ANO4: variants seen among roughly 807,000 people sequenced by gnomAD.
The protein encoded by ANO4 is anoctamin-4.
In ANO4, 69 loss-of-function variants were observed where a neutral mutation model predicts 141.9. That is an observed-to-expected ratio of 0.49 (90% CI 0.40 to 0.59). The LOEUF (loss-of-function observed/expected upper bound fraction) is 0.59, where lower values mean the gene tolerates loss of function less well. ANO4 is among the 20% of genes least tolerant of loss of function. ANO4 has a pLI of 0.00. For synonymous variants in ANO4, 350 were observed against 394.3 expected, an observed-to-expected ratio of 0.89 and a Z score of 1.33; for missense variants, 894 against 1,162.2, an observed-to-expected ratio of 0.77 and a Z score of 3.36.
intron 1 of ANO4, among the ~76,000 whole-genome samples, chr12:100,848,179 G>A (rs1289073574): frequency 2.6e-5 from 4 of 152,028 alleles, no homozygotes; most frequent in Admixed American, 2.0e-4. Context: ...CCCCTTCAGA[G>A]TACTAGCCTT....
chr12:100,892,780 G>GAAT (rs2040167707), intron 1 of ANO4, among the ~76,000 whole-genome samples: 1 of 150,572 alleles, frequency 6.6e-6, no homozygotes, highest in Non-Finnish European at 1.5e-5. Flanking sequence ...TGTTTTAATT[G>GAAT]TAGTTTTTTT....
intron 9 of ANO4, among the ~76,000 whole-genome samples, chr12:101,032,019 A>G (rs909386781): frequency 2.6e-5 from 4 of 152,276 alleles, no homozygotes; most frequent in African/African-American, 9.6e-5. Flanking sequence ...AAAGTAATTT[A>G]TAGATTCAAT....
chr12:100,721,838 C>T (rs2030880309), intron 1 of ANO4, among the ~76,000 whole-genome samples: 2 of 151,490 alleles, frequency 1.3e-5, no homozygotes, highest in East Asian at 3.9e-4. Flanking sequence ...GTCACCATGC[C>T]AGGCTAACTT....
At chr12:100,963,506 C>CTG (rs144114076) in intron 5 of ANO4, among the ~76,000 whole-genome samples, 24 of 150,598 alleles carry the variant, frequency 1.6e-4, no homozygotes, top group South Asian at 4.2e-4. Context: ...GTGTGTGTGT[C>CTG]TGTGTGTGTG....
At position 100,896,283 on chromosome 12, in the gene ANO4, G is replaced by A. The variant is rs149811173; in HGVS notation, c.-140-5363G>A. Among the ~76,000 whole-genome samples, 96 of 152,234 alleles carry A rather than the reference G, an allele frequency of 6.3e-4. 1 individual carries two copies. The highest frequency in any genetic ancestry group is 2.2e-3 in the African/African-American group (90 of 41,514). On this transcript the variant is annotated intron_variant, in intron 1 of 27. Coordinates refer to ENST00000392977, the MANE Select transcript of ANO4 (RefSeq NM_001286615.2). ...GTGATCCCTAAATGTCACAACCAGC[G>A]TCCTTATAAGAGAGAGGCAGAGGGA...
intron 3 of ANO4, among the ~76,000 whole-genome samples, chr12:100,779,213 T>A (rs866535806): frequency 6.6e-6 from 1 of 152,246 alleles, no homozygotes; most frequent in Admixed American, 6.5e-5. Flanking sequence ...AACACAGGAC[T>A]ATGCCTCTCT....
intron 8 of ANO4, among the ~76,000 whole-genome samples, chr12:101,016,581 T>G (rs538753979): frequency 2.0e-5 from 3 of 152,186 alleles, no homozygotes; most frequent in Non-Finnish European, 4.4e-5. Context: ...CTAGTGTTCT[T>G]CAGATGGTCA....
chr12:100,924,268 T>G lies in ANO4; in HGVS notation c.160+1938T>G, dbSNP rs114572765. The stretch of plus-strand genomic sequence containing the variant: ...ACTTTCTTATGAATAATTTTATGCT[T>G]TTTAGTTATCCCCATTTATCATTAT... On this transcript the variant is annotated intron_variant, in intron 3 of 27. Coordinates refer to ENST00000392977, the MANE Select transcript of ANO4 (RefSeq NM_001286615.2). 3.2e-3 allele frequency among the ~76,000 whole-genome samples: 491 copies of G among 152,240 alleles called. 6 individuals carry two copies. The highest frequency in any genetic ancestry group is 0.012 in the African/African-American group (479 of 41,564).
chr12:100,971,362 C>G lies in ANO4; in HGVS notation c.513C>G (p.Val171=). 6.2e-7 allele frequency: 1 copy of G among 1,611,176 alleles called. No individual in the cohort carries two copies. Among genetic ancestry groups the G allele is most frequent in the Non-Finnish European group, 8.5e-7 (1 of 1,177,954 alleles). Residue 171 remains valine, a synonymous_variant, in exon 6 of 28, where the codon GTC becomes GTG. Coordinates refer to ENST00000392977, the MANE Select transcript of ANO4 (RefSeq NM_001286615.2). ...TGAAGTTGCATGCCCCATGGGAAGTCCTTGGAAGATATGCAGAACAAATGA... is the reference window on the plus strand; with the variant it reads ...TGAAGTTGCATGCCCCATGGGAAGTGCTTGGAAGATATGCAGAACAAATGA... ...IFVKLHAPWE[V]LGRYAEQMNV...
intron 8 of ANO4, among the ~76,000 whole-genome samples, chr12:101,005,977 C>G (rs2045855384): frequency 6.6e-6 from 1 of 152,108 alleles, no homozygotes; most frequent in Admixed American, 6.6e-5. Context: ...CTCCATTTCT[C>G]TTGGTTGTGT....
At chr12:100,927,103 C>T (rs1348904314) in intron 3 of ANO4, among the ~76,000 whole-genome samples, 1 of 152,132 alleles carries the variant, frequency 6.6e-6, no homozygotes. Context: ...TCACTGGAGA[C>T]TTGAAAGGTG....
At chr12:101,116,092 G>T (rs992065479) in intron 24 of ANO4, among the ~76,000 whole-genome samples, 8 of 152,188 alleles carry the variant, frequency 5.3e-5, no homozygotes, top group South Asian at 2.1e-4. Context: ...TGTCTTCCTA[G>T]TAGGAGTGGT....
chr12:101,015,807 T>G (rs1486840961), intron 8 of ANO4, among the ~76,000 whole-genome samples: 1 of 152,102 alleles, frequency 6.6e-6, no homozygotes, highest in African/African-American at 2.4e-5. Context: ...CCAAGCCTCA[T>G]GTTTGCCAGA....
exon 3 of ANO4, chr12:100,739,928 C>T: frequency 1.4e-6 from 1 of 702,588 alleles, no homozygotes; most frequent in Non-Finnish European, 2.6e-6. Flanking sequence ...CAGACCAACC[C>T]TCCCATCAGA....
Position 100,794,948 on chromosome 12 carries a change from A to C in ANO4, c.-220A>C, listed in dbSNP as rs1278425126. The C allele has an allele frequency of 6.6e-6, 1 of 152,650 alleles. No homozygotes were observed. Among genetic ancestry groups the C allele is most frequent in the Non-Finnish European group, 1.5e-5 (1 of 68,088 alleles). The allele number at this position is 152,650 out of a possible 1,614,324, so 9.5% of individuals were successfully genotyped here. ...TCCCGACTGGAGCCTGGAGGTTCACAGTGGATTTCTTTCTGCCGAAGACAC... is the reference window on the plus strand; with the variant it reads ...TCCCGACTGGAGCCTGGAGGTTCACCGTGGATTTCTTTCTGCCGAAGACAC... On this transcript the variant is annotated 5_prime_UTR_variant, in exon 1 of 28. Transcript: ENST00000392977.
chr12:100,917,660 C>G (rs1366666530), intron 2 of ANO4, among the ~76,000 whole-genome samples: 2 of 152,134 alleles, frequency 1.3e-5, no homozygotes, highest in Non-Finnish European at 2.9e-5. Context: ...TTTTACAGCT[C>G]CCTCTCCTTT....
chr12:100,958,376 T>C (rs2043265063), intron 5 of ANO4, among the ~76,000 whole-genome samples: 1 of 152,194 alleles, frequency 6.6e-6, no homozygotes, highest in Admixed American at 6.6e-5. Flanking sequence ...TTTCATTGAT[T>C]CAATTTTAAA....
At chr12:101,031,578 C>CAAGAGAAAGTT (rs2046977753) in intron 9 of ANO4, among the ~76,000 whole-genome samples, 1 of 152,106 alleles carries the variant, frequency 6.6e-6, no homozygotes, top group African/African-American at 2.4e-5. Flanking sequence ...GAAGTTCTGG[C>CAAGAGAAAGTT]CAGGACAATC....
chr12:101,014,631 T>C (rs941748590), intron 8 of ANO4, among the ~76,000 whole-genome samples: 1 of 152,186 alleles, frequency 6.6e-6, no homozygotes, highest in Admixed American at 6.5e-5. Flanking sequence ...TCCTTGCCAC[T>C]TGCTGTTTGT....
Sources: gnomAD v4.1 joint callset for allele counts (sites outside exome capture counted in the v4.1 genomes callset) on GRCh38, gnomAD v4.1.1 for gene constraint, MANE v1.5 for transcripts, NCBI Gene and HGNC (gene_info 2026-07-23, HGNC 2026-07-21) for gene names.